IFT46: variants seen among roughly 807,000 people sequenced by gnomAD.
The protein encoded by IFT46 is intraflagellar transport protein 46 homolog.
IFT46 carries 19 observed loss-of-function variants against 39.6 expected under a neutral mutation model. The observed-to-expected ratio is 0.48, with a 90% CI of 0.33 to 0.70. The LOEUF (loss-of-function observed/expected upper bound fraction) is 0.70. Ranked by LOEUF, IFT46 falls within the 30% of genes least tolerant of loss-of-function variation. The pLI is 0.01. For missense variants in IFT46, 334 were observed against 364.8 expected (o/e 0.92, Z 0.69); for synonymous variants, 117 against 134.8 (o/e 0.87, Z 0.91).
intron 3 of IFT46, 118 bp downstream of exon 3, chr11:118,559,667 A>T: frequency 1.3e-6 from 1 of 787,646 alleles, no homozygotes; most frequent in Non-Finnish European, 2.2e-6. Context: ...ATGAGCTCAA[A>T]GGTCCCTAAC....
At chr11:118,576,426 T>TAAAAAA (rs10671866), upstream of IFT46, among the ~76,000 whole-genome samples, 24 of 108,764 alleles carry the variant, frequency 2.2e-4, no homozygotes, top group African/African-American at 6.2e-4. Flanking sequence ...CCAAAAATGT[T>TAAAAAA]AAAAAAAAAA....
intron 8 of IFT46, 117 bp downstream of exon 8, chr11:118,552,097 A>G: frequency 7.9e-7 from 1 of 1,269,070 alleles, no homozygotes; most frequent in Non-Finnish European, 1.1e-6. Context: ...CAGGATCCAC[A>G]GGACCTCAGG....
chr11:118,551,620 G>A (rs972138079), intron 9 of IFT46, among the ~76,000 whole-genome samples, 166 bp downstream of exon 9: 5 of 147,528 alleles, frequency 3.4e-5, no homozygotes, highest in African/African-American at 1.3e-4. Flanking sequence ...GCTGCAGTGA[G>A]CCATGATCAT....
upstream of IFT46, among the ~76,000 whole-genome samples, chr11:118,575,775 G>T (rs1323218584): frequency 6.6e-6 from 1 of 152,096 alleles, no homozygotes; most frequent in Non-Finnish European, 1.5e-5. Flanking sequence ...GACTTTTTTT[G>T]AGAGAGAGTT....
At chr11:118,574,238 A>G (rs1317251708), upstream of IFT46, among the ~76,000 whole-genome samples, 1 of 152,188 alleles carries the variant, frequency 6.6e-6, no homozygotes, top group Non-Finnish European at 1.5e-5. Flanking sequence ...AATTTATCTC[A>G]GTACATTCTG....
chr11:118,576,727 T>A (rs1473645275), upstream of IFT46, among the ~76,000 whole-genome samples: 9 of 152,138 alleles, frequency 5.9e-5, no homozygotes, highest in Non-Finnish European at 1.2e-4. Flanking sequence ...CTGGAACCTG[T>A]AATTTGTGGT....
chr11:118,553,697 T>C (rs758667793), intron 7 of IFT46, among the ~76,000 whole-genome samples: 46 of 152,088 alleles, frequency 3.0e-4, no homozygotes, highest in Admixed American at 6.6e-4. Context: ...ACACAAAAAC[T>C]TGTATACAAA....
At position 118,559,855 on chromosome 11, in the gene IFT46, C is replaced by T. The variant is rs113413229; in HGVS notation, c.-26G>A. On this transcript the variant is annotated 5_prime_UTR_variant, in exon 3 of 12. Transcript: ENST00000264021. ...AGCCTTGTTAGGAAGATGGGCAGAA[C>T]GAGGAAGTCCTTAGAAAAAAAGTTT... is the stretch of plus-strand genomic sequence containing the variant. 2,538 of 1,599,650 alleles carry T rather than the reference C, an allele frequency of 1.6e-3. 37 individuals are homozygous for T. The African/African-American group carries it at 0.03, about 19-fold the overall frequency.
In IFT46 at chr11:118,547,742, TTC is replaced by T. The variant is rs1208630072; in HGVS notation, c.673-1891_673-1890del. Among the ~76,000 whole-genome samples, 70 of 114,190 alleles carry T rather than the reference TTC, an allele frequency of 6.1e-4. 1 individual carries two copies. The East Asian group carries it at 8.5e-3, about 14-fold the overall frequency. 74.9% of individuals were successfully genotyped at this position (114,190 alleles called of 152,430 possible). ...CAGCTCCTTTTACTTTTCTTTTCTT[TTC>T]TTTTTTTTTTTTTTTTTTTTGAGAC... is the stretch of plus-strand genomic sequence containing the variant. On this transcript the variant is annotated intron_variant, in intron 9 of 11. Coordinates refer to ENST00000264021, the MANE Select transcript of IFT46 (RefSeq NM_001168618.2).
chr11:118,552,932 A>C (rs1416285221), intron 7 of IFT46, among the ~76,000 whole-genome samples: 1 of 151,450 alleles, frequency 6.6e-6, no homozygotes, highest in African/African-American at 2.4e-5. Context: ...AAAAAAAAAA[A>C]AACCTAGCCA....
upstream of IFT46, among the ~76,000 whole-genome samples, chr11:118,569,770 A>G (rs1346418452): frequency 6.6e-6 from 1 of 152,214 alleles, no homozygotes; most frequent in Non-Finnish European, 1.5e-5. Context: ...AAATGAGATA[A>G]TCTGTGTGAA....
chr11:118,544,928 T>TAATGTCTC lies in IFT46; in HGVS notation c.895_902dup (p.Thr302ArgfsTer3). The TAATGTCTC allele has an allele frequency of 6.2e-7, 1 of 1,612,622 alleles. No individual in the cohort carries two copies. The highest frequency in any genetic ancestry group is 1.1e-5 in the South Asian group (1 of 90,918). Reference sequence around the variant, plus strand: ...CTTGGGAAGTGTCTCAGCTGAAGGTTAATGTCTCCATGTCTCCAGCTTGGG... The same window carrying TAATGTCTC: ...CTTGGGAAGTGTCTCAGCTGAAGGTTAATGTCTCAATGTCTCCATGTCTCCAGCTTGGG... On this transcript the variant is annotated frameshift_variant, in exon 12 of 12. Coordinates refer to ENST00000264021, the MANE Select transcript of IFT46 (RefSeq NM_001168618.2). LOFTEE classifies it high-confidence loss of function.
At chr11:118,559,669 G>A in intron 3 of IFT46, 116 bp downstream of exon 3, 2 of 804,774 alleles carry the variant, frequency 2.5e-6, no homozygotes, top group Non-Finnish European at 4.3e-6. Flanking sequence ...GAGCTCAAAG[G>A]TCCCTAACCC....
At position 118,549,681 on chromosome 11, in the gene IFT46, C is replaced by T. The variant is rs1951771648; in HGVS notation, c.672+2105G>A. ...CTGAGACTACAGGTGTGCACCACCA[C>T]GCCTGGCTAATTATTGTATTTCTAG... On this transcript the variant is annotated intron_variant, in intron 9 of 11. Transcript: ENST00000264021. Among the ~76,000 whole-genome samples the T allele has an allele frequency of 3.9e-5, 6 of 151,924 alleles. 1 individual carries two copies. The highest frequency in any genetic ancestry group is 3.3e-4 in the Admixed American group (5 of 15,254).
chr11:118,552,660 G>T (rs1392897529), intron 7 of IFT46, among the ~76,000 whole-genome samples: 1 of 152,120 alleles, frequency 6.6e-6, no homozygotes, highest in Non-Finnish European at 1.5e-5. Context: ...AGGCATGGTG[G>T]TGTGTGCCTG....
upstream of IFT46, chr11:118,565,950 G>C (rs1325665031): frequency 2.0e-5 from 3 of 152,240 alleles, no homozygotes; most frequent in Admixed American, 6.5e-5. Flanking sequence ...AAATTCGCGA[G>C]AGTTGCTTCC....
At chr11:118,576,785 G>A (rs1324545837), upstream of IFT46, among the ~76,000 whole-genome samples, 2 of 152,064 alleles carry the variant, frequency 1.3e-5, no homozygotes, top group African/African-American at 2.4e-5. Flanking sequence ...GGGGAACTAT[G>A]GTCCTATTTT....
upstream of IFT46, among the ~76,000 whole-genome samples, chr11:118,570,220 ATT>A (rs1277873913): frequency 1.4e-5 from 2 of 142,806 alleles, no homozygotes; most frequent in Non-Finnish European, 1.5e-5. Context: ...TGCCCAGCTA[ATT>A]TTTTTTTTTT....
At chr11:118,569,851 G>C (rs936686780), upstream of IFT46, among the ~76,000 whole-genome samples, 65 of 152,258 alleles carry the variant, frequency 4.3e-4, 1 homozygote, top group Non-Finnish European at 7.8e-4. Flanking sequence ...TACAGAGGCA[G>C]TGTGTTTTAA....
Sources: allele counts gnomAD v4.1 joint callset (sites outside exome capture counted in the v4.1 genomes callset), GRCh38; gene constraint gnomAD v4.1.1; transcripts MANE v1.5; gene names NCBI Gene and HGNC (gene_info 2026-07-23, HGNC 2026-07-21).